The following TEX14 variants were observed in gnomAD, a reference collection of about 807,000 sequenced individuals.
TEX14 encodes the protein inactive serine/threonine-protein kinase TEX14.
Under a neutral mutation model 178.6 loss-of-function variants are expected in TEX14, and 168 were observed. That is an observed-to-expected ratio of 0.94 (90% CI 0.83 to 1.07). The LOEUF is 1.07. Among genes scored for constraint, TEX14 ranks in the 50% least tolerant of loss-of-function variants. The probability of loss-of-function intolerance (pLI) is 0.00; values close to 1 mark genes in which losing one functional copy is unlikely to be tolerated. For synonymous variants in TEX14, 626 were observed against 634.1 expected (o/e 0.99, Z 0.19); for missense variants, 1,730 against 1,753.6 (o/e 0.99, Z 0.24).
rs116332400 is a variant in TEX14, at chr17:58,618,377, A to G, written c.555-758T>C. ...TTGCTGGCCTGAGGTCATAAAATGC[A>G]GCAGTGACCAGACACTGATGTTGCT... On this transcript the variant is annotated intron_variant, in intron 5 of 31. Coordinates refer to ENST00000349033, the MANE Select transcript of TEX14 (RefSeq NM_031272.5). Among the ~76,000 whole-genome samples the G allele has an allele frequency of 8.5e-3, 1,298 of 152,350 alleles. 19 individuals are homozygous for G. The highest frequency in any genetic ancestry group is 0.029 in the African/African-American group (1,212 of 41,586).
In TEX14 at chr17:58,641,541, T is replaced by G. The variant is rs149045289; in HGVS notation, c.136+10325A>C. On this transcript the variant is annotated intron_variant, in intron 2 of 31. Coordinates refer to ENST00000349033, the MANE Select transcript of TEX14 (RefSeq NM_031272.5). ...TTATTTGAGATGGAGTCTCATTCTC[T>G]CCAGACTGGAGTGCAGCAGCTTGAT... Among the ~76,000 whole-genome samples, 147 of 150,440 alleles carry G rather than the reference T, an allele frequency of 9.8e-4. 1 individual carries two copies. The highest frequency in any genetic ancestry group is 3.4e-3 in the African/African-American group (141 of 40,878).
At chr17:58,641,200 G>A (rs1262866312) in intron 2 of TEX14, among the ~76,000 whole-genome samples, 1 of 151,962 alleles carries the variant, frequency 6.6e-6, no homozygotes, top group African/African-American at 2.4e-5. Flanking sequence ...CACCTGAGGT[G>A]GGGAGTTTGA....
intron 1 of TEX14, among the ~76,000 whole-genome samples, chr17:58,686,860 CCTT>C (rs2047604936): frequency 7.3e-6 from 1 of 136,778 alleles, no homozygotes. Context: ...TGAAAGGTCA[CCTT>C]TTTTTTTTTT....
intron 21 of TEX14, among the ~76,000 whole-genome samples, chr17:58,577,079 A>T (rs904183814): frequency 6.6e-6 from 1 of 152,214 alleles, no homozygotes; most frequent in African/African-American, 2.4e-5. Context: ...TATTGTCAAC[A>T]TTCTCAGTAA....
intron 2 of TEX14, among the ~76,000 whole-genome samples, chr17:58,635,464 C>T (rs1364452165): frequency 6.8e-6 from 1 of 146,758 alleles, no homozygotes; most frequent in Non-Finnish European, 1.5e-5. Flanking sequence ...GAGTCTCACT[C>T]CGTAGCCCAT....
At chr17:58,628,212 T>C (rs2056923353) in intron 3 of TEX14, among the ~76,000 whole-genome samples, 1 of 152,190 alleles carries the variant, frequency 6.6e-6, no homozygotes, top group Admixed American at 6.6e-5. Context: ...TTTTTCTTTG[T>C]GCTTTTCTAA....
intron 15 of TEX14, among the ~76,000 whole-genome samples, chr17:58,589,373 C>T (rs1234224684): frequency 6.6e-6 from 1 of 150,692 alleles, no homozygotes; most frequent in Admixed American, 6.6e-5. Context: ...CCAGCCTGGC[C>T]AACATGGTGA....
Position 58,584,607 on chromosome 17 carries a change from A to C in TEX14, c.3071-7T>G. ...GGAGATGGGTGCCTGATACCTAATGATTGTAACACAGTCAGGGTCAAAGTC... is the reference window on the plus strand; with the variant it reads ...GGAGATGGGTGCCTGATACCTAATGCTTGTAACACAGTCAGGGTCAAAGTC... On this transcript the variant is annotated splice_region_variant and splice_polypyrimidine_tract_variant and intron_variant, in intron 18 of 31. Transcript: ENST00000349033. The C allele has an allele frequency of 6.2e-7, 1 of 1,603,514 alleles. No homozygotes were observed. Among genetic ancestry groups the C allele is most frequent in the Middle Eastern group, 1.7e-4 (1 of 6,038 alleles).
chr17:58,670,002 C>T (rs1353358998), intron 1 of TEX14, among the ~76,000 whole-genome samples: 2 of 152,168 alleles, frequency 1.3e-5, no homozygotes, highest in East Asian at 1.9e-4. Flanking sequence ...ACCATACCGC[C>T]GTGGCAGCCA....
rs556720497 is a variant in TEX14 at position 58,601,918 on chromosome 17, G to A, written c.1566C>T (p.Ser522=). ...TGAQRTQPTE[S]PRVQRYGLHP... is the part of the protein sequence containing the mutation. The stretch of plus-strand genomic sequence containing the variant: ...GGAGTCCGTATCTCTGCACTCTGGG[G>A]CTCTCGGTTGGTTGAGTTCTCTGGG... Residue 522 remains serine (S), a synonymous_variant, in exon 13 of 32, where the codon AGC becomes AGT. Transcript: ENST00000349033. 5.6e-6 allele frequency: 9 copies of A among 1,613,322 alleles called. No individual in the cohort carries two copies. In the East Asian group the frequency reaches 1.8e-4, roughly 32 times the overall value.
chr17:58,611,244 G>A lies in TEX14; in HGVS notation c.1101C>T (p.Ile367=), dbSNP rs192936672. 3.7e-4 allele frequency: 594 copies of A among 1,613,646 alleles called. 1 individual carries two copies. The highest frequency in any genetic ancestry group is 4.9e-4 in the Non-Finnish European group (574 of 1,179,644). ...CAGCATAGGAGCTGAGGGAGCGGTG[G>A]ATAAACCCCTGGAAATGCAGGTATC... The part of the protein sequence containing the change: ...ALRYLHFQGF[I]HRSLSSYAVH... The change falls in exon 10 of 32, where the codon ATC becomes ATT. Residue 367 remains isoleucine, a synonymous_variant. Coordinates refer to ENST00000349033, the MANE Select transcript of TEX14 (RefSeq NM_031272.5).
In TEX14 at chr17:58,617,595, T is replaced by G; in HGVS notation, c.579A>C (p.Arg193=). 1 of 1,613,482 alleles carries G rather than the reference T, an allele frequency of 6.2e-7. No homozygotes were observed. The highest frequency in any genetic ancestry group is 8.5e-7 in the Non-Finnish European group (1 of 1,179,624). The change falls in exon 6 of 32, where the codon CGA becomes CGC. Residue 193 remains arginine (R), a synonymous_variant. Transcript: ENST00000349033. ...CAGAAATGACTCCAGCTTTAAGCAGTCGGTTAGGAGAGCCATTAGGGTTTC... is the reference window on the plus strand; with the variant it reads ...CAGAAATGACTCCAGCTTTAAGCAGGCGGTTAGGAGAGCCATTAGGGTTTC... The part of the protein sequence containing the change: ...VQGNPNGSPN[R]LLKAGVISAQ...
chr17:58,563,726 A>G (rs922028101), intron 28 of TEX14, among the ~76,000 whole-genome samples: 1 of 142,960 alleles, frequency 7.0e-6, no homozygotes, highest in Non-Finnish European at 1.5e-5. Context: ...ATATGTATGT[A>G]TATAGAGAGA....
chr17:58,691,353 A>G (rs1288241437), intron 1 of TEX14, among the ~76,000 whole-genome samples: 1 of 151,964 alleles, frequency 6.6e-6, no homozygotes, highest in East Asian at 1.9e-4. Context: ...CTAAGCTGGG[A>G]AGAAAAGTCA....
At chr17:58,607,709 G>A (rs1055250939) in intron 10 of TEX14, among the ~76,000 whole-genome samples, 1 of 152,196 alleles carries the variant, frequency 6.6e-6, no homozygotes, top group Non-Finnish European at 1.5e-5. Flanking sequence ...AGCAGATGGC[G>A]ATCCATCACT....
intron 10 of TEX14, among the ~76,000 whole-genome samples, chr17:58,608,285 C>T (rs776173803): frequency 2.6e-5 from 4 of 152,040 alleles, no homozygotes; most frequent in South Asian, 4.2e-4. Context: ...GGTATGGTGG[C>T]GGGTGCCTGT....
intron 27 of TEX14, 70 bp downstream of exon 27, chr17:58,565,677 T>A: frequency 8.8e-7 from 1 of 1,133,106 alleles, no homozygotes; most frequent in Non-Finnish European, 1.3e-6. Flanking sequence ...CACTTCCCTA[T>A]ATGTACCACT....
intron 19 of TEX14, among the ~76,000 whole-genome samples, chr17:58,583,775 C>T (rs544959949): frequency 6.6e-6 from 1 of 152,268 alleles, no homozygotes; most frequent in South Asian, 2.1e-4. Context: ...TTCTTCCAGC[C>T]CTCAAGTCCG....
At chr17:58,666,536 C>T (rs1457045447) in intron 1 of TEX14, 1 of 148,388 alleles carries the variant, frequency 6.7e-6, no homozygotes, top group Non-Finnish European at 1.5e-5. Context: ...ACTACCACAA[C>T]CAGCAGCAAG....
Sources: allele counts gnomAD v4.1 joint callset (sites outside exome capture counted in the v4.1 genomes callset), GRCh38; gene constraint gnomAD v4.1.1; transcripts MANE v1.5; gene names NCBI Gene and HGNC (gene_info 2026-07-23, HGNC 2026-07-21).